PTK6: variants seen among roughly 807,000 people sequenced by gnomAD.
PTK6 encodes protein-tyrosine kinase 6.
Under a neutral mutation model 47.5 loss-of-function variants are expected in PTK6, and 47 were observed. The ratio of observed to expected loss-of-function variants is 0.99; its 90% CI spans 0.78 to 1.26. PTK6 has a LOEUF of 1.26. Ranked by LOEUF, PTK6 falls within the 50% of genes most tolerant of loss-of-function variation. The probability of loss-of-function intolerance (pLI) is 0.00; values close to 1 mark genes in which losing one functional copy is unlikely to be tolerated. For synonymous variants in PTK6, 287 were observed against 276.5 expected (o/e 1.04, Z -0.38); for missense variants, 618 against 625.3 (o/e 0.99, Z 0.12).
Position 63,537,320 on chromosome 20 carries a change from G to A in PTK6, c.-6C>T. The A allele has an allele frequency of 6.2e-7, 1 of 1,601,628 alleles. No individual in the cohort carries two copies. Among genetic ancestry groups the A allele is most frequent in the Non-Finnish European group, 8.5e-7 (1 of 1,174,912 alleles). ...GCCTGGTCCCGGGACACCATGGCGG[G>A]CGGGCGCAGCGGCAGGACCAGGCTG... On this transcript the variant is annotated 5_prime_UTR_variant, in exon 1 of 8. Coordinates refer to ENST00000542869, the MANE Select transcript of PTK6 (RefSeq NM_005975.4).
In PTK6 at chr20:63,534,918, C is replaced by T. The variant is rs1482013482; in HGVS notation, c.352+20G>A. 1 of 1,581,870 alleles carries T rather than the reference C, an allele frequency of 6.3e-7. No individual in the cohort carries two copies. The highest frequency in any genetic ancestry group is 1.1e-5 in the South Asian group (1 of 89,126). ...AGGAGCCCCCGCAGGCAAGCACAGG[C>T]TCGGAGGCCGGGGCCGCACCCGACA... On this transcript the variant is annotated intron_variant, in intron 2 of 7. Coordinates refer to ENST00000542869, the MANE Select transcript of PTK6 (RefSeq NM_005975.4).
rs2082589689 is a variant in PTK6, at chr20:63,528,190, T to C, written c.*1346A>G. On this transcript the variant is annotated 3_prime_UTR_variant, in exon 8 of 8. Transcript: ENST00000542869. ...ACGTATCAGATTTCTAGGAATTTTA[T>C]AGAGTTTCTGCAACATTCATATCAA... 6.6e-6 allele frequency: 1 copy of C among 152,186 alleles called. No homozygotes were observed. Among genetic ancestry groups the C allele is most frequent in the Admixed American group, 6.5e-5 (1 of 15,270 alleles). 9.4% of individuals were successfully genotyped at this position (152,186 alleles called of 1,614,324 possible).
rs148206034 is a variant in PTK6 at position 63,537,207 on chromosome 20, G to C, written c.108C>G (p.His36Gln). 2 of 1,612,350 alleles carry C rather than the reference G, an allele frequency of 1.2e-6. No homozygotes were observed. Among genetic ancestry groups the C allele is most frequent in the East Asian group, 2.2e-5 (1 of 44,876 alleles). Residue 36 changes from histidine to glutamine, a missense_variant, in exon 1 of 8, where the codon CAC becomes CAG. His to Gln is a conservative substitution (Grantham distance 24). Coordinates refer to ENST00000542869, the MANE Select transcript of PTK6 (RefSeq NM_005975.4). ...ACCACTGCTCCTCCTTCCTGGCCACGTGGAAGACGTCCCCCGCGCGGAAGC... is the reference window on the plus strand; with the variant it reads ...ACCACTGCTCCTCCTTCCTGGCCACCTGGAAGACGTCCCCCGCGCGGAAGC... ...ELSFRAGDVF[H>Q]VARKEEQWWW...
Position 63,530,382 on chromosome 20 carries a change from A to G in PTK6, c.1015-151T>C. 1 of 1,054,158 alleles carries G rather than the reference A, an allele frequency of 9.5e-7. No homozygotes were observed. Among genetic ancestry groups the G allele is most frequent in the South Asian group, 1.6e-5 (1 of 64,098 alleles). 65.3% of individuals were successfully genotyped at this position (1,054,158 alleles called of 1,614,324 possible). A position where few individuals can be genotyped will look rare whatever the true frequency, so the allele number is the denominator to read the frequency against. On this transcript the variant is annotated intron_variant, in intron 6 of 7. Transcript: ENST00000542869. The surrounding 1 kb of genome is among the most constrained non-coding windows in gnomAD (Gnocchi z 4.1). Reference sequence around the variant, plus strand: ...GCACGGCCGCTGCAGCTAAGGCCACACTGGGGCCTGACCACCTTCAGGAGC... The same window carrying G: ...GCACGGCCGCTGCAGCTAAGGCCACGCTGGGGCCTGACCACCTTCAGGAGC...
chr20:63,529,956 G>C lies in PTK6; in HGVS notation c.1168+122C>G. On this transcript the variant is annotated intron_variant, in intron 7 of 7. Coordinates refer to ENST00000542869, the MANE Select transcript of PTK6 (RefSeq NM_005975.4). The surrounding 1 kb of genome is among the most constrained non-coding windows in gnomAD (Gnocchi z 5.6). ...GAGAATGGTGCAGGTGTGGAGTTCA[G>C]GCGATGGCCCGCGGAGGGCCCTGAA... The C allele has an allele frequency of 7.7e-7, 1 of 1,295,168 alleles. No homozygotes were observed. Among genetic ancestry groups the C allele is most frequent in the Non-Finnish European group, 1.1e-6 (1 of 948,550 alleles). The allele number at this position is 1,295,168 out of a possible 1,614,324, so 80.2% of individuals were successfully genotyped here. A position where few individuals can be genotyped will look rare whatever the true frequency, so the allele number is the denominator to read the frequency against.
chr20:63,532,902 G>T (rs566804636), intron 4 of PTK6, among the ~76,000 whole-genome samples: 1 of 152,320 alleles, frequency 6.6e-6, no homozygotes, highest in Admixed American at 6.5e-5. Flanking sequence ...TACCCACGGG[G>T]CTGTGGTGGC....
chr20:63,529,732 G>A lies in PTK6; in HGVS notation c.1169-9C>T, dbSNP rs757547328. 1.4e-5 allele frequency: 22 copies of A among 1,534,994 alleles called. No homozygotes were observed. In the East Asian group the frequency reaches 2.7e-4, roughly 19 times the overall value. On this transcript the variant is annotated splice_polypyrimidine_tract_variant and intron_variant, in intron 7 of 7. Transcript: ENST00000542869. This position sits in a 1 kb window ranked among gnomAD's most constrained non-coding sequence, Gnocchi z 5.6. ...CTCATGGTTGGACATGCCTGCGGCC[G>A]ACAGGGATGAGAAGAGCTGGGGCCC...
At chr20:63,537,023 G>C in intron 1 of PTK6, 62 bp downstream of exon 1, 1 of 1,504,546 alleles carries the variant, frequency 6.6e-7, no homozygotes, top group Non-Finnish European at 9.0e-7. Context: ...CCAGAGCCCT[G>C]TCCCTCCCCT....
chr20:63,530,873 AC>A lies in PTK6; in HGVS notation c.886del (p.Val296TrpfsTer38). ...CTCCAGGTAACACATGCCCTCAGCC[AC>A]CTGCCAGGCGATGTCCAGCAGCTCC... is the stretch of plus-strand genomic sequence containing the variant. ...VSELLDIAWQ[V>X]AEGMCYLESQ... On this transcript the variant is annotated frameshift_variant, in exon 6 of 8. Coordinates refer to ENST00000542869, the MANE Select transcript of PTK6 (RefSeq NM_005975.4). LOFTEE classifies it high-confidence loss of function. This position sits in a 1 kb window ranked among gnomAD's most constrained non-coding sequence, Gnocchi z 4.1. 6.2e-7 allele frequency: 1 copy of A among 1,613,626 alleles called. No homozygotes were observed. The highest frequency in any genetic ancestry group is 8.5e-7 in the Non-Finnish European group (1 of 1,179,874).
chr20:63,528,303 C>G lies in PTK6; in HGVS notation c.*1233G>C, dbSNP rs1399811019. The G allele has an allele frequency of 6.6e-6, 1 of 152,136 alleles. No individual in the cohort carries two copies. Among genetic ancestry groups the G allele is most frequent in the African/African-American group, 2.4e-5 (1 of 41,422 alleles). The allele number at this position is 152,136 out of a possible 1,614,324, so 9.4% of individuals were successfully genotyped here. ...CATCTCATGTAGCACATCGGATAAG[C>G]CTGATTAGTCTGACATCTGTCTTTC... On this transcript the variant is annotated 3_prime_UTR_variant, in exon 8 of 8. Transcript: ENST00000542869.
At chr20:63,536,992 T>C in intron 1 of PTK6, 93 bp downstream of exon 1, 1 of 1,359,968 alleles carries the variant, frequency 7.4e-7, no homozygotes, top group Non-Finnish European at 9.9e-7. Flanking sequence ...GTCCCCACCT[T>C]CTTGGGCCTC....
rs919470599 is a variant in PTK6 at position 63,537,211 on chromosome 20, A to T, written c.104T>A (p.Phe35Tyr). The change falls in exon 1 of 8, where the codon TTC becomes TAC. Residue 35 changes from phenylalanine (F) to tyrosine (Y), a missense_variant. Phe to Tyr is a conservative substitution (Grantham distance 22, BLOSUM62 3). Transcript: ENST00000542869. The stretch of plus-strand genomic sequence containing the variant: ...CTGCTCCTCCTTCCTGGCCACGTGG[A>T]AGACGTCCCCCGCGCGGAAGCTCAG... ...EELSFRAGDV[F>Y]HVARKEEQWW... The T allele has an allele frequency of 1.2e-6, 2 of 1,612,254 alleles. No individual in the cohort carries two copies. The highest frequency in any genetic ancestry group is 2.7e-5 in the African/African-American group (2 of 74,926).
chr20:63,535,763 C>T (rs2082659877), intron 1 of PTK6, among the ~76,000 whole-genome samples: 2 of 116,242 alleles, frequency 1.7e-5, no homozygotes, highest in East Asian at 2.3e-4. Context: ...CCTGGCCTCC[C>T]GCCCCCCCCC....
rs753905512 is a variant in PTK6 at position 63,534,254 on chromosome 20, G to A, written c.414C>T (p.His138=). The A allele has an allele frequency of 6.2e-7, 1 of 1,608,248 alleles. No homozygotes were observed. Among genetic ancestry groups the A allele is most frequent in the South Asian group, 1.1e-5 (1 of 90,048 alleles). ...KIWRRAGGRL[H]LNEAVSFLSL... Reference sequence around the variant, plus strand: ...TGAGGAAGGACACCGCCTCGTTCAGGTGCAGCCGGCCCCCGGCACGCCGCC... The same window carrying A: ...TGAGGAAGGACACCGCCTCGTTCAGATGCAGCCGGCCCCCGGCACGCCGCC... Residue 138 remains histidine (H), a synonymous_variant, in exon 3 of 8, where the codon CAC becomes CAT. Transcript: ENST00000542869.
At position 63,533,204 on chromosome 20, in the gene PTK6, A is replaced by T. The variant is rs1179663542; in HGVS notation, c.670+347T>A. Among the ~76,000 whole-genome samples the T allele has an allele frequency of 6.6e-6, 1 of 151,834 alleles. No homozygotes were observed. Among genetic ancestry groups the T allele is most frequent in the Non-Finnish European group, 1.5e-5 (1 of 67,996 alleles). On this transcript the variant is annotated intron_variant, in intron 4 of 7. Transcript: ENST00000542869. The surrounding 1 kb of genome is among the most constrained non-coding windows in gnomAD (Gnocchi z 4.0). The stretch of plus-strand genomic sequence containing the variant: ...TGCCTCAGCCTCCCGAGTAGCTGGG[A>T]CTACAGGCACATGCCTCCACACTCG...
rs376479028 is a variant in PTK6 at position 63,534,330 on chromosome 20, G to A, written c.353-15C>T. On this transcript the variant is annotated splice_polypyrimidine_tract_variant and intron_variant, in intron 2 of 7. Transcript: ENST00000542869. ...CGTGTCCCGCACTGGGAGGGAGAGC[G>A]TGAGCTGTGTGGCCACCCCAACTCC... 6.9e-6 allele frequency: 11 copies of A among 1,583,718 alleles called. No homozygotes were observed. Among genetic ancestry groups the A allele is most frequent in the East Asian group, 6.8e-5 (3 of 44,182 alleles).
chr20:63,534,800 G>A (rs138866612), intron 2 of PTK6, 138 bp downstream of exon 2: 38,998 of 1,292,742 alleles, frequency 0.03, 712 homozygotes, highest in Non-Finnish European at 0.034. Flanking sequence ...CCAGGTGGGC[G>A]GAGGGGATGG....
chr20:63,531,595 A>T (rs2082622054), intron 5 of PTK6, among the ~76,000 whole-genome samples: 2 of 145,958 alleles, frequency 1.4e-5, no homozygotes, highest in Admixed American at 1.3e-4. Context: ...AGCCTGGGCG[A>T]CAGAGTGAGA....
chr20:63,530,262 G>A lies in PTK6; in HGVS notation c.1015-31C>T. On this transcript the variant is annotated intron_variant, in intron 6 of 7. Transcript: ENST00000542869. This position sits in a 1 kb window ranked among gnomAD's most constrained non-coding sequence, Gnocchi z 4.1. ...ATCAGCCTGGAGCTGAGTGGGCCGT[G>A]GGGGCTGCCTGTGCCCTGCCCCCGA... 6.2e-7 allele frequency: 1 copy of A among 1,609,614 alleles called. No individual in the cohort carries two copies. The highest frequency in any genetic ancestry group is 8.5e-7 in the Non-Finnish European group (1 of 1,176,882).
Sources: allele counts gnomAD v4.1 joint callset (sites outside exome capture counted in the v4.1 genomes callset), GRCh38; gene constraint gnomAD v4.1.1; non-coding constraint Gnocchi (gnomAD v3.1); transcripts MANE v1.5; gene names NCBI Gene and HGNC (gene_info 2026-07-23, HGNC 2026-07-21).